Variants in FSIP2 observed in about 807,000 individuals in gnomAD.
FSIP2 encodes fibrous sheath interacting protein 2.
In FSIP2, 367 loss-of-function variants were observed where a neutral mutation model predicts 510.5. That is an observed-to-expected ratio of 0.72 (90% CI 0.66 to 0.78). FSIP2 has a LOEUF of 0.78. Among genes scored for constraint, FSIP2 ranks in the 30% least tolerant of loss-of-function variants. The probability of loss-of-function intolerance (pLI) is 0.00; values close to 1 mark genes in which losing one functional copy is unlikely to be tolerated. For missense variants in FSIP2, 7,594 were observed against 7,901.7 expected (o/e 0.96, Z 1.48); for synonymous variants, 2,601 against 2,732.2 (o/e 0.95, Z 1.50).
At chr2:185,828,849 C>A (rs919541799) in intron 21 of FSIP2, among the ~76,000 whole-genome samples, 2 of 151,796 alleles carry the variant, frequency 1.3e-5, no homozygotes, top group African/African-American at 4.8e-5. Flanking sequence ...TCGAGTGGGT[C>A]CTTCCACCCC....
chr2:185,780,416 AGTTT>A (rs1692821208), intron 13 of FSIP2, among the ~76,000 whole-genome samples: 2 of 151,620 alleles, frequency 1.3e-5, no homozygotes, highest in Non-Finnish European at 2.9e-5. Flanking sequence ...TTAGTTATTT[AGTTT>A]TTCTATATAG....
chr2:185,819,106 GT>G (rs931223804), intron 19 of FSIP2, among the ~76,000 whole-genome samples: 1 of 151,820 alleles, frequency 6.6e-6, no homozygotes, highest in African/African-American at 2.4e-5. Flanking sequence ...AAAAAGTAGA[GT>G]TTTTGTATGC....
rs1298583642 is a variant in FSIP2, at chr2:185,738,938, C to T, written c.44C>T (p.Ala15Val). ...GCCTGCTCCAAGCCTGCCAAAGTCG[C>T]CGTCACCAAGACGGTCGCCAGCGTC... The part of the protein sequence containing the change: ...LGACSKPAKV[A>V]VTKTVASVLA... Residue 15 changes from alanine to valine, a missense_variant, in exon 1 of 23, where the codon GCC becomes GTC. Coordinates refer to ENST00000424728, the MANE Select transcript of FSIP2 (RefSeq NM_173651.4). The T allele has an allele frequency of 1.3e-6, 2 of 1,534,566 alleles. No homozygotes were observed. The highest frequency in any genetic ancestry group is 2.4e-5 in the East Asian group (1 of 40,896).
rs1236954447 is a variant in FSIP2 at position 185,788,977 on chromosome 2, C to T, written c.1841C>T (p.Thr614Ile). The part of the protein sequence containing the change: ...AHVEKTVVGK[T>I]CHIKGQSIIS... ...GTGGAAAAAACAGTTGTGGGGAAAA[C>T]ATGTCACATAAAAGGACAATCTATA... The change falls in exon 16 of 23, where the codon ACA (threonine) becomes ATA (isoleucine). Residue 614 changes from threonine (T) to isoleucine (I), a missense_variant. Coordinates refer to ENST00000424728, the MANE Select transcript of FSIP2 (RefSeq NM_173651.4). The T allele has an allele frequency of 2.0e-6, 3 of 1,534,330 alleles. No individual in the cohort carries two copies. Among genetic ancestry groups the T allele is most frequent in the African/African-American group, 2.7e-5 (2 of 72,912 alleles).
At chr2:185,764,479 T>C (rs1019598106) in intron 12 of FSIP2, 23 bp from the exon 13 acceptor site, 1 of 1,496,148 alleles carries the variant, frequency 6.7e-7, no homozygotes, top group East Asian at 2.5e-5. Flanking sequence ...GATCTATTTG[T>C]TTTGCTGTTG....
Position 185,817,789 on chromosome 2 carries a change from A to C in FSIP2, c.20426+2318A>C, listed in dbSNP as rs1693850969. Among the ~76,000 whole-genome samples the C allele has an allele frequency of 2.0e-5, 3 of 152,162 alleles. No individual in the cohort carries two copies. In the South Asian group the frequency reaches 6.2e-4, roughly 32 times the overall value. ...CCTACATGGCAAAGACTTTAAGACA[A>C]CTATCTAAAATATGTTCAAGAATTG... On this transcript the variant is annotated intron_variant, in intron 19 of 22. Coordinates refer to ENST00000424728, the MANE Select transcript of FSIP2 (RefSeq NM_173651.4).
Position 185,789,026 on chromosome 2 carries a change from A to G in FSIP2, c.1890A>G (p.Lys630=). The part of the protein sequence containing the change: ...QSIISKHKYN[K]TNLLYSYPKL... ...TAATCTCTAAACATAAATATAATAA[A>G]ACCAACTTGCTATATTCATACCCTA... The change falls in exon 16 of 23, where the codon AAA becomes AAG. Residue 630 remains lysine (K), a synonymous_variant. Coordinates refer to ENST00000424728, the MANE Select transcript of FSIP2 (RefSeq NM_173651.4). 1 of 1,534,100 alleles carries G rather than the reference A, an allele frequency of 6.5e-7. No homozygotes were observed. The highest frequency in any genetic ancestry group is 8.7e-7 in the Non-Finnish European group (1 of 1,145,538).
intron 14 of FSIP2, among the ~76,000 whole-genome samples, chr2:185,785,713 T>C (rs1479512211): frequency 6.6e-6 from 1 of 152,040 alleles, no homozygotes; most frequent in Non-Finnish European, 1.5e-5. Flanking sequence ...TGCATCTAAA[T>C]TGGTATTAAA....
At position 185,743,298 on chromosome 2, in the gene FSIP2, G is replaced by T; in HGVS notation, c.387+4G>T. On this transcript the variant is annotated splice_donor_region_variant and intron_variant, in intron 3 of 22. Coordinates refer to ENST00000424728, the MANE Select transcript of FSIP2 (RefSeq NM_173651.4). Reference sequence around the variant, plus strand: ...CTACATCACCAGCAATAATAAAGTGGGTTGAAAATTACTTCTTTTTTTAAT... The same window carrying T: ...CTACATCACCAGCAATAATAAAGTGTGTTGAAAATTACTTCTTTTTTTAAT... 2.7e-6 allele frequency: 4 copies of T among 1,469,472 alleles called. No homozygotes were observed. The highest frequency in any genetic ancestry group is 3.6e-6 in the Non-Finnish European group (4 of 1,118,508). The allele number at this position is 1,469,472 out of a possible 1,614,324, so 91.0% of individuals were successfully genotyped here.
Position 185,808,151 on chromosome 2 carries a change from C to T in FSIP2, c.18845C>T (p.Ser6282Phe). Reference sequence around the variant, plus strand: ...TTAATGGGTAAAAGCAATGTCCTCTCTGATACAATAGGCTTTTTAATGGTG... The same window carrying T: ...TTAATGGGTAAAAGCAATGTCCTCTTTGATACAATAGGCTTTTTAATGGTG... ...KDLMGKSNVLSDTIGFLMVNA... is the reference protein window; with the variant it reads ...KDLMGKSNVLFDTIGFLMVNA... Residue 6282 changes from serine (S) to phenylalanine (F), a missense_variant, in exon 17 of 23, where the codon TCT (serine) becomes TTT (phenylalanine). Ser to Phe is a radical substitution (Grantham distance 155). Coordinates refer to ENST00000424728, the MANE Select transcript of FSIP2 (RefSeq NM_173651.4). The T allele has an allele frequency of 1.2e-6, 2 of 1,611,002 alleles. No individual in the cohort carries two copies. The highest frequency in any genetic ancestry group is 1.7e-6 in the Non-Finnish European group (2 of 1,178,690).
chr2:185,770,617 A>T (rs1019795316), intron 13 of FSIP2, among the ~76,000 whole-genome samples: 3 of 152,130 alleles, frequency 2.0e-5, no homozygotes, highest in Admixed American at 6.5e-5. Context: ...CCCCACCCCC[A>T]ACATTGGGAA....
chr2:185,808,557 GATTT>G lies in FSIP2; in HGVS notation c.19254_19257del (p.Tyr6419ArgfsTer24). The G allele has an allele frequency of 6.2e-7, 1 of 1,612,416 alleles. No homozygotes were observed. The highest frequency in any genetic ancestry group is 8.5e-7 in the Non-Finnish European group (1 of 1,179,260). ...GTTTAAATCCAGAAAATACAGAAAG[GATTT>G]ATCAGGTTGTCGATTCCGTTTATAG... On this transcript the variant is annotated frameshift_variant, in exon 17 of 23. Transcript: ENST00000424728. LOFTEE classifies it high-confidence loss of function.
In FSIP2 at chr2:185,794,481, T is replaced by C; in HGVS notation, c.7345T>C (p.Leu2449=). 1 of 1,520,414 alleles carries C rather than the reference T, an allele frequency of 6.6e-7. No homozygotes were observed. Among genetic ancestry groups the C allele is most frequent in the Non-Finnish European group, 8.8e-7 (1 of 1,141,002 alleles). 94.2% of individuals were successfully genotyped at this position (1,520,414 alleles called of 1,614,324 possible). A position where few individuals can be genotyped will look rare whatever the true frequency, so the allele number is the denominator to read the frequency against. The change falls in exon 16 of 23, where the codon TTA becomes CTA. Residue 2449 remains leucine, a synonymous_variant. Transcript: ENST00000424728. ...ACAATCTCTATTTACAAAGTATCCA[T>C]TAGAGCAAAACCAAATGATATTGGA... ...TKQSLFTKYP[L]EQNQMILENK... is the part of the protein sequence containing the mutation.
chr2:185,801,895 A>C lies in FSIP2; in HGVS notation c.12589A>C (p.Thr4197Pro). 2.7e-6 allele frequency: 4 copies of C among 1,494,064 alleles called. No individual in the cohort carries two copies. The highest frequency in any genetic ancestry group is 3.6e-6 in the Non-Finnish European group (4 of 1,119,292). 92.6% of individuals were successfully genotyped at this position (1,494,064 alleles called of 1,614,324 possible). Residue 4197 changes from threonine to proline, a missense_variant, in exon 17 of 23, where the codon ACT becomes CCT. By Grantham distance (38) the Thr-to-Pro change is conservative (BLOSUM62 -1). Coordinates refer to ENST00000424728, the MANE Select transcript of FSIP2 (RefSeq NM_173651.4). ...SAISKHKIWF[T>P]IYDNQYLYTG... ...CATTTCAAAACATAAAATCTGGTTCACTATATATGATAATCAATATCTATA... is the reference window on the plus strand; with the variant it reads ...CATTTCAAAACATAAAATCTGGTTCCCTATATATGATAATCAATATCTATA...
In FSIP2 at chr2:185,803,797, AATGAAATTATGTCAATAATTTCAAAAC is replaced by A. The variant is rs1381574251; in HGVS notation, c.14499_14525del (p.Met4834_Ile4842del). The A allele has an allele frequency of 4.0e-6, 6 of 1,516,588 alleles. No homozygotes were observed. In the Middle Eastern group the frequency reaches 5.1e-4, roughly 129 times the overall value. The allele number at this position is 1,516,588 out of a possible 1,614,324, so 93.9% of individuals were successfully genotyped here. ...AAGTAATACAGTGATAAAACTGATAAATGAAATTATGTCAATAATTTCAAAACATGAAATATGTATTATTAAATATGG... is the reference window on the plus strand; with the variant it reads ...AAGTAATACAGTGATAAAACTGATAAATGAAATATGTATTATTAAATATGG... On this transcript the variant is annotated inframe_deletion, in exon 17 of 23. Transcript: ENST00000424728.
chr2:185,779,682 T>G (rs948482903), intron 13 of FSIP2, among the ~76,000 whole-genome samples: 8 of 152,122 alleles, frequency 5.3e-5, no homozygotes, highest in African/African-American at 1.9e-4. Context: ...TTATTATTGT[T>G]TTATACAGAT....
intron 13 of FSIP2, among the ~76,000 whole-genome samples, chr2:185,773,484 C>G (rs1180971819): frequency 2.0e-5 from 3 of 152,106 alleles, no homozygotes; most frequent in African/African-American, 7.2e-5. Context: ...ATTAGATCAC[C>G]TGATATTTTC....
chr2:185,806,702 T>A lies in FSIP2; in HGVS notation c.17396T>A (p.Ile5799Asn). Residue 5799 changes from isoleucine to asparagine, a missense_variant, in exon 17 of 23, where the codon ATC becomes AAC. Transcript: ENST00000424728. Reference sequence around the variant, plus strand: ...ATTACTGAGATGGTTAAACAATTGATCTTTTCTTCTATACCAGAAACACAA... The same window carrying A: ...ATTACTGAGATGGTTAAACAATTGAACTTTTCTTCTATACCAGAAACACAA... ...DVITEMVKQL[I>N]FSSIPETQIQ... 1 of 1,603,412 alleles carries A rather than the reference T, an allele frequency of 6.2e-7. No homozygotes were observed. The highest frequency in any genetic ancestry group is 2.2e-5 in the East Asian group (1 of 44,728).
Position 185,791,206 on chromosome 2 carries a change from T to G in FSIP2, c.4070T>G (p.Leu1357Ter). Residue 1357 changes from leucine (L) to a stop codon, truncating the protein, a stop_gained, in exon 16 of 23, where the codon TTA becomes TGA. Coordinates refer to ENST00000424728, the MANE Select transcript of FSIP2 (RefSeq NM_173651.4). LOFTEE classifies it high-confidence loss of function. The stretch of plus-strand genomic sequence containing the variant: ...GATGATGACATTTTGGCGAGTCCAT[T>G]ATTAACCTGTATTTATGATATGTTG... ...SIDDDILASP[L>*]LTCIYDMLLS... 1 of 1,533,886 alleles carries G rather than the reference T, an allele frequency of 6.5e-7. No homozygotes were observed.
Sources: allele counts gnomAD v4.1 joint callset (sites outside exome capture counted in the v4.1 genomes callset), GRCh38; gene constraint gnomAD v4.1.1; transcripts MANE v1.5; gene names NCBI Gene and HGNC (gene_info 2026-07-23, HGNC 2026-07-21).